Variants in PPFIA3 observed in about 807,000 individuals in gnomAD.
The protein encoded by PPFIA3 is PPFI scaffold protein A3.
Under a neutral mutation model 145.8 loss-of-function variants are expected in PPFIA3, and 26 were observed. The observed-to-expected ratio is 0.18, with a 90% CI of 0.13 to 0.25. PPFIA3 has a LOEUF of 0.25. PPFIA3 is among the 10% of genes least tolerant of loss of function. The pLI is 1.00. For missense variants in PPFIA3, 1,008 were observed against 1,587.8 expected (o/e 0.63, Z 6.21); for synonymous variants, 645 against 661.4 (o/e 0.98, Z 0.38).
Position 49,133,099 on chromosome 19 carries a change from C to A in PPFIA3, c.978C>A (p.Asn326Lys), listed in dbSNP as rs776895670. ...QREATSLHDA[N>K]DKLENELASK... ...AGGCCACGTCTCTGCACGACGCCAA[C>A]GACAAACTGGAGAACGAGTTAGCTA... Residue 326 changes from asparagine to lysine, a missense_variant, in exon 8 of 30, where the codon AAC becomes AAA. Transcript: ENST00000334186. The surrounding 1 kb of genome is among the most constrained non-coding windows in gnomAD (Gnocchi z 7.2). 2.4e-5 allele frequency: 39 copies of A among 1,612,458 alleles called. 1 individual carries two copies. The South Asian group carries it at 4.2e-4, about 17-fold the overall frequency.
At chr19:49,145,273 A>G (rs4802574) in intron 21 of PPFIA3, among the ~76,000 whole-genome samples, 68,410 of 151,786 alleles carry the variant, frequency 0.45, 15,557 homozygotes, top group South Asian at 0.5. Flanking sequence ...CTAGTCTTCA[A>G]TCTCCAAAAG....
chr19:49,146,344 T>C (rs1315351306), intron 23 of PPFIA3, 152 bp downstream of exon 23: 11 of 986,298 alleles, frequency 1.1e-5, no homozygotes, highest in Non-Finnish European at 1.5e-5. Flanking sequence ...ACTGTTCCAT[T>C]ATGGCTTGGC....
chr19:49,131,028 A>T (rs1314822144), intron 7 of PPFIA3, among the ~76,000 whole-genome samples: 2 of 134,360 alleles, frequency 1.5e-5, no homozygotes, highest in African/African-American at 2.8e-5. Context: ...TGCACCGCTA[A>T]TTTTTTTTTT....
chr19:49,137,628 CAAAAAAAAAAAAAAAAA>C (rs3032695), intron 15 of PPFIA3, among the ~76,000 whole-genome samples: 2 of 43,774 alleles, frequency 4.6e-5, no homozygotes, highest in African/African-American at 8.7e-5. Flanking sequence ...GACTCCGTGT[CAAAAAAAAAAAAAAAAA>C]AAAAAAAAAA....
chr19:49,124,989 C>A (rs2040979799), intron 1 of PPFIA3, among the ~76,000 whole-genome samples: 1 of 152,138 alleles, frequency 6.6e-6, no homozygotes, highest in African/African-American at 2.4e-5. Flanking sequence ...ATCGCTTGAA[C>A]CCGGGAGGCA....
In PPFIA3 at chr19:49,146,093, T is replaced by C. The variant is rs1206667793; in HGVS notation, c.2809-73T>C. ...GACCGAGTCTGTGGCCATCCCTAAG[T>C]CCGCTCCTTGCGTCCTCCTCTGCCT... On this transcript the variant is annotated intron_variant, in intron 22 of 29. Transcript: ENST00000334186. 6 of 1,608,518 alleles carry C rather than the reference T, an allele frequency of 3.7e-6. No individual in the cohort carries two copies. In the East Asian group the frequency reaches 1.3e-4, roughly 36 times the overall value.
chr19:49,148,846 G>C (rs1401914961), intron 25 of PPFIA3, 83 bp downstream of exon 25: 4 of 1,533,046 alleles, frequency 2.6e-6, no homozygotes, highest in Non-Finnish European at 3.6e-6. Context: ...GGGGGAGACC[G>C]GAGAAGCAAA....
At chr19:49,137,372 C>T (rs1197142353) in intron 15 of PPFIA3, 1 of 153,320 alleles carries the variant, frequency 6.5e-6, no homozygotes, top group Non-Finnish European at 1.5e-5. Flanking sequence ...CCTGTAATCC[C>T]AGCACTTTGG....
At chr19:49,123,745 T>C (rs756572621) in intron 1 of PPFIA3, among the ~76,000 whole-genome samples, 5 of 152,154 alleles carry the variant, frequency 3.3e-5, no homozygotes, top group Non-Finnish European at 7.4e-5. Context: ...CCTGGCCTCA[T>C]GTTCTTAAAT....
At chr19:49,136,584 A>G in intron 14 of PPFIA3, 140 bp from the exon 15 acceptor site, 1 of 561,796 alleles carries the variant, frequency 1.8e-6, no homozygotes, top group Middle Eastern at 5.2e-4. Flanking sequence ...GTCTCAAGAA[A>G]AAATAAATAA....
At chr19:49,122,612 G>C (rs975530351) in intron 1 of PPFIA3, among the ~76,000 whole-genome samples, 1 of 151,908 alleles carries the variant, frequency 6.6e-6, no homozygotes, top group Non-Finnish European at 1.5e-5. Flanking sequence ...TTCCTAATTC[G>C]TGCCATTGAT....
At chr19:49,127,651 C>T (rs540962722) in intron 1 of PPFIA3, among the ~76,000 whole-genome samples, 2 of 151,922 alleles carry the variant, frequency 1.3e-5, no homozygotes, top group East Asian at 3.9e-4. Flanking sequence ...CACCTGGTGG[C>T]CAATCTTTGG....
Position 49,149,983 on chromosome 19 carries a change from G to T in PPFIA3, c.3527-97G>T, listed in dbSNP as rs1005205457. Reference sequence around the variant, plus strand: ...GAAACCCATGTGGAGCCCGGCGATCGTTGTGACATCGGGAAGGGAAGTCCA... The same window carrying T: ...GAAACCCATGTGGAGCCCGGCGATCTTTGTGACATCGGGAAGGGAAGTCCA... On this transcript the variant is annotated intron_variant, in intron 28 of 29. Coordinates refer to ENST00000334186, the MANE Select transcript of PPFIA3 (RefSeq NM_003660.4). This position sits in a 1 kb window ranked among gnomAD's most constrained non-coding sequence, Gnocchi z 5.7. The T allele has an allele frequency of 4.3e-6, 6 of 1,405,232 alleles. No individual in the cohort carries two copies. The highest frequency in any genetic ancestry group is 2.8e-5 in the African/African-American group (2 of 70,444). The allele number at this position is 1,405,232 out of a possible 1,614,324, so 87.0% of individuals were successfully genotyped here.
rs754218855 is a variant in PPFIA3, at chr19:49,146,025, C to T, written c.2808+20C>T. 9.3e-6 allele frequency: 15 copies of T among 1,613,324 alleles called. No homozygotes were observed. The highest frequency in any genetic ancestry group is 1.3e-5 in the Non-Finnish European group (15 of 1,179,406). On this transcript the variant is annotated intron_variant, in intron 22 of 29. Transcript: ENST00000334186. Reference sequence around the variant, plus strand: ...AAGCCCGTGAGTGCCCCCTGCCGGCCGCCTTGGGGGTGGCACTAACCTTCT... The same window carrying T: ...AAGCCCGTGAGTGCCCCCTGCCGGCTGCCTTGGGGGTGGCACTAACCTTCT...
intron 16 of PPFIA3, 75 bp downstream of exon 16, chr19:49,138,502 C>A: frequency 7.9e-7 from 1 of 1,260,176 alleles, no homozygotes; most frequent in Non-Finnish European, 1.1e-6. Flanking sequence ...CAGTGTACAG[C>A]AACAATAACC....
In PPFIA3 at chr19:49,129,525, C is replaced by A. The variant is rs1168663533; in HGVS notation, c.582+71C>A. On this transcript the variant is annotated intron_variant, in intron 5 of 29. Transcript: ENST00000334186. Reference sequence around the variant, plus strand: ...CTAAGGGGCTGCCCACGGGGCGGAGCCGGTTGGGTGGGTTCCAGAGAGAAT... The same window carrying A: ...CTAAGGGGCTGCCCACGGGGCGGAGACGGTTGGGTGGGTTCCAGAGAGAAT... 4.4e-5 allele frequency: 66 copies of A among 1,492,116 alleles called. No individual in the cohort carries two copies. The East Asian group carries it at 1.6e-3, about 36-fold the overall frequency. The allele number at this position is 1,492,116 out of a possible 1,614,324, so 92.4% of individuals were successfully genotyped here. A position where few individuals can be genotyped will look rare whatever the true frequency, so the allele number is the denominator to read the frequency against.
rs2041029044 is a variant in PPFIA3 at position 49,128,348 on chromosome 19, C to T, written c.241-19C>T. 2 of 1,611,298 alleles carry T rather than the reference C, an allele frequency of 1.2e-6. No individual in the cohort carries two copies. Among genetic ancestry groups the T allele is most frequent in the Admixed American group, 1.7e-5 (1 of 60,008 alleles). ...AAAGGATTGAGCCGAATGTCCAGAT[C>T]CTGCCAATGTCTGGACAGGAGTTTG... On this transcript the variant is annotated intron_variant, in intron 2 of 29. Transcript: ENST00000334186. The surrounding 1 kb of genome is among the most constrained non-coding windows in gnomAD (Gnocchi z 4.1).
In PPFIA3 at chr19:49,133,342, C is replaced by T; in HGVS notation, c.1132C>T (p.Leu378=). The T allele has an allele frequency of 6.2e-7, 1 of 1,607,868 alleles. No homozygotes were observed. The highest frequency in any genetic ancestry group is 8.5e-7 in the Non-Finnish European group (1 of 1,177,630). The part of the protein sequence containing the change: ...AETLPEIEAQ[L]AQRVAALNKA... ...GACCTTGCCCGAGATAGAGGCGCAG[C>T]TGGCGCAGCGCGTGGCGGCGCTCAA... Residue 378 remains leucine (L), a synonymous_variant, in exon 9 of 30, where the codon CTG becomes TTG. Transcript: ENST00000334186. This position sits in a 1 kb window ranked among gnomAD's most constrained non-coding sequence, Gnocchi z 7.2.
In PPFIA3 at chr19:49,134,668, G is replaced by C. The variant is rs1335806067; in HGVS notation, c.1407G>C (p.Met469Ile). 6.2e-7 allele frequency: 1 copy of C among 1,613,898 alleles called. No individual in the cohort carries two copies. Among genetic ancestry groups the C allele is most frequent in the Non-Finnish European group, 8.5e-7 (1 of 1,180,024 alleles). ...CCCTGAGCGAGGAGATAGCCAACAT[G>C]AAGAAGCTTCAGGATGAGTTGCTGC... Reference protein sequence around the residue: ...KNSLSEEIANMKKLQDELLLN... With the variant: ...KNSLSEEIANIKKLQDELLLN... The change falls in exon 12 of 30, where the codon ATG becomes ATC. Residue 469 changes from methionine to isoleucine, a missense_variant. This residue lies in a region of PPFIA3 where 21 missense variants were observed against 46.4 expected (regional missense o/e 0.45). Coordinates refer to ENST00000334186, the MANE Select transcript of PPFIA3 (RefSeq NM_003660.4).
Sources: gnomAD v4.1 joint callset for allele counts (sites outside exome capture counted in the v4.1 genomes callset) on GRCh38, gnomAD v4.1.1 for gene constraint, gnomAD v4.1.1 regional missense constraint, Gnocchi (gnomAD v3.1) non-coding constraint, MANE v1.5 for transcripts, NCBI Gene and HGNC (gene_info 2026-07-23, HGNC 2026-07-21) for gene names.